TNIP1: variants seen among roughly 807,000 people sequenced by gnomAD.
The protein encoded by TNIP1 is TNFAIP3 interacting protein 1.
A neutral mutation model predicts 86.6 loss-of-function variants in TNIP1; 22 were observed. That is an observed-to-expected ratio of 0.25 (90% confidence interval 0.18 to 0.36). TNIP1 has a LOEUF of 0.36. TNIP1 is among the 10% of genes least tolerant of loss of function. The pLI is 1.00. For synonymous variants in TNIP1, 294 were observed against 313.0 expected, an observed-to-expected ratio of 0.94 and a Z score of 0.64; for missense variants, 709 against 820.6, an observed-to-expected ratio of 0.86 and a Z score of 1.66.
Position 151,035,699 on chromosome 5 carries a change from G to A in TNIP1, c.1404C>T (p.Ile468=). ...GCTCCCTCTGGAAGTCCTCCTCGAA[G>A]ATCTTCACCTGGTGTGGAGGGAGGG... ...QNELLKQQVK[I]FEEDFQRERS... is the part of the protein sequence containing the mutation. The change falls in exon 14 of 18, where the codon ATC becomes ATT. Residue 468 remains isoleucine, a synonymous_variant. Transcript: ENST00000521591. The A allele has an allele frequency of 6.2e-7, 1 of 1,614,090 alleles. No homozygotes were observed.
intron 7 of TNIP1, 52 bp downstream of exon 7, chr5:151,052,113 C>T: frequency 6.5e-7 from 1 of 1,545,512 alleles, no homozygotes; most frequent in Non-Finnish European, 8.9e-7. Context: ...ACACCAGCCC[C>T]TCCTCCTGCA....
intron 1 of TNIP1, among the ~76,000 whole-genome samples, chr5:151,067,219 CAG>C (rs1397010458): frequency 9.2e-5 from 14 of 152,220 alleles, no homozygotes; most frequent in African/African-American, 3.4e-4. Flanking sequence ...AACTAAGAAA[CAG>C]TGTGGGGGCT....
chr5:151,034,511 G>A (rs1486735391), intron 15 of TNIP1: 1 of 275,572 alleles, frequency 3.6e-6, no homozygotes, highest in Non-Finnish European at 6.8e-6. Context: ...ACGGAAGGCT[G>A]GGTAAATGGA....
chr5:151,039,023 G>GGGCAT, intron 12 of TNIP1, 74 bp downstream of exon 12: 1 of 1,547,962 alleles, frequency 6.5e-7, no homozygotes, highest in Non-Finnish European at 8.7e-7. Flanking sequence ...ATGGTTGGGG[G>GGGCAT]TGCCAGTGAT....
chr5:151,063,806 C>T, intron 2 of TNIP1, 59 bp from the exon 3 acceptor site: 1 of 1,587,618 alleles, frequency 6.3e-7, no homozygotes. Context: ...TGCTGCTTCT[C>T]CCCGTCCCAG....
intron 2 of TNIP1, 42 bp from the exon 3 acceptor site, chr5:151,063,789 C>T (rs1761891434): frequency 1.9e-6 from 3 of 1,599,432 alleles, no homozygotes; most frequent in South Asian, 2.2e-5. Context: ...ATTTACTCGG[C>T]TCAGTGTGCT....
intron 1 of TNIP1, among the ~76,000 whole-genome samples, chr5:151,073,718 A>G (rs1581917989): frequency 6.6e-6 from 1 of 152,194 alleles, no homozygotes; most frequent in Admixed American, 6.5e-5. Context: ...AAAAGCAAGA[A>G]TAGATTCTCT....
chr5:151,072,672 T>C (rs1375953428), intron 1 of TNIP1, among the ~76,000 whole-genome samples: 10 of 146,762 alleles, frequency 6.8e-5, no homozygotes, highest in African/African-American at 2.2e-4. Flanking sequence ...CTGCCCCCCC[T>C]CCAGTCCCCC....
chr5:151,039,560 C>A (rs564087089), intron 11 of TNIP1, among the ~76,000 whole-genome samples: 5 of 152,180 alleles, frequency 3.3e-5, no homozygotes, highest in Non-Finnish European at 7.3e-5. Flanking sequence ...GTCACAGGTA[C>A]GGGGTTCCTA....
chr5:151,034,798 A>C, intron 15 of TNIP1: 1 of 601,290 alleles, frequency 1.7e-6, no homozygotes, highest in South Asian at 1.9e-5. Flanking sequence ...CTACCTGGAC[A>C]CAGAATGTCA....
chr5:151,030,625 C>T lies in TNIP1; in HGVS notation c.*88G>A, dbSNP rs930525150. On this transcript the variant is annotated 3_prime_UTR_variant, in exon 18 of 18. Transcript: ENST00000521591. ...TCTCATCCAGCTGAGGCTCTGGCCA[C>T]ACCGTGCAAGTGGCTTCTAGTTTCT... 6.2e-7 allele frequency: 1 copy of T among 1,602,454 alleles called. No individual in the cohort carries two copies. Among genetic ancestry groups the T allele is most frequent in the African/African-American group, 1.3e-5 (1 of 74,548 alleles).
At chr5:151,039,303 C>T (rs1758116518) in intron 11 of TNIP1, 78 bp from the exon 12 acceptor site, 3 of 1,498,484 alleles carry the variant, frequency 2.0e-6, no homozygotes, top group African/African-American at 1.4e-5. Flanking sequence ...CTGCCTGGCC[C>T]AGCCCTTACG....
intron 13 of TNIP1, 63 bp downstream of exon 13, chr5:151,036,727 C>A (rs1757749847): frequency 3.1e-6 from 5 of 1,610,734 alleles, no homozygotes; most frequent in Non-Finnish European, 3.4e-6. Context: ...GCCGTCTGGG[C>A]CCTCAGGAAA....
At chr5:151,062,414 G>C (rs755149451) in intron 3 of TNIP1, among the ~76,000 whole-genome samples, 6 of 152,226 alleles carry the variant, frequency 3.9e-5, no homozygotes, top group Non-Finnish European at 5.9e-5. Flanking sequence ...CCTGAGCAGA[G>C]AGACCATGCT....
chr5:151,064,423 G>T (rs1761984859), intron 2 of TNIP1, among the ~76,000 whole-genome samples: 2 of 152,220 alleles, frequency 1.3e-5, no homozygotes, highest in South Asian at 4.1e-4. Flanking sequence ...GGAGAAGGGG[G>T]CACAGCAACT....
intron 12 of TNIP1, among the ~76,000 whole-genome samples, chr5:151,038,367 T>G (rs1255245972): frequency 6.6e-5 from 10 of 152,146 alleles, no homozygotes; most frequent in Admixed American, 6.5e-4. Flanking sequence ...CAAAGCTCCC[T>G]CCTGTCAGCT....
At chr5:151,073,558 G>A (rs1480111457) in intron 1 of TNIP1, among the ~76,000 whole-genome samples, 1 of 148,094 alleles carries the variant, frequency 6.8e-6, no homozygotes, top group Non-Finnish European at 1.5e-5. Context: ...TGTGTAACAG[G>A]ATGCTATTTT....
Position 151,052,229 on chromosome 5 carries a change from C to T in TNIP1, c.658G>A (p.Glu220Lys), listed in dbSNP as rs1171257818. The change falls in exon 7 of 18, where the codon GAG becomes AAG. Residue 220 changes from glutamate to lysine, a missense_variant. By Grantham distance (56) the Glu-to-Lys change is moderately conservative. Coordinates refer to ENST00000521591, the MANE Select transcript of TNIP1 (RefSeq NM_006058.5). The stretch of plus-strand genomic sequence containing the variant: ...TTATCCAACTTGGCCTTCAGAGCCT[C>T]GTTCTCCTTCCGAAGCTGCTCACAC... ...TLCEQLRKENEALKAKLDKGL... is the reference protein window; with the variant it reads ...TLCEQLRKENKALKAKLDKGL... 22 of 1,613,980 alleles carry T rather than the reference C, an allele frequency of 1.4e-5. No individual in the cohort carries two copies. The highest frequency in any genetic ancestry group is 2.2e-5 in the East Asian group (1 of 44,878).
intron 8 of TNIP1, among the ~76,000 whole-genome samples, chr5:151,046,542 T>C (rs1305584992): frequency 2.0e-5 from 3 of 152,142 alleles, no homozygotes; most frequent in Admixed American, 6.5e-5. Context: ...TAGTGCTCAG[T>C]TGGTTTCTAA....
Sources: gnomAD v4.1 joint callset for allele counts (sites outside exome capture counted in the v4.1 genomes callset) on GRCh38, gnomAD v4.1.1 for gene constraint, MANE v1.5 for transcripts, NCBI Gene and HGNC (gene_info 2026-07-23, HGNC 2026-07-21) for gene names.